The following CARD14 variants were observed in gnomAD, a reference collection of about 807,000 sequenced individuals.
CARD14 encodes caspase recruitment domain family member 14.
A neutral mutation model predicts 111.5 loss-of-function variants in CARD14; 107 were observed. That is an observed-to-expected ratio of 0.96 (90% confidence interval 0.82 to 1.13). The LOEUF (loss-of-function observed/expected upper bound fraction) is 1.13. Among genes scored for constraint, CARD14 ranks in the 50% most tolerant of loss-of-function variants. The pLI is 0.00. For synonymous variants in CARD14, 617 were observed against 579.6 expected (o/e 1.06, Z -0.93); for missense variants, 1,322 against 1,362.3 (o/e 0.97, Z 0.47).
chr17:80,204,658 G>T, intron 20 of CARD14: 1 of 388,322 alleles, frequency 2.6e-6, no homozygotes, highest in South Asian at 5.1e-5. Context: ...GAGGAGTACA[G>T]GACAGAGGGA....
rs971020345 is a variant in CARD14, at chr17:80,188,416, G to C, written c.715G>C (p.Val239Leu). ...LKQELQRANM[V>L]SSCELELQEQ... Reference sequence around the variant, plus strand: ...GCAGGAGCTGCAGCGAGCCAACATGGTTTCCTCCTGTGAGCTGGAATTGCA... The same window carrying C: ...GCAGGAGCTGCAGCGAGCCAACATGCTTTCCTCCTGTGAGCTGGAATTGCA... Residue 239 changes from valine (V) to leucine (L), a missense_variant, in exon 8 of 24, where the codon GTT becomes CTT. Val to Leu is a conservative substitution (Grantham distance 32). Transcript: ENST00000648509. The surrounding 1 kb of genome is among the most constrained non-coding windows in gnomAD (Gnocchi z 4.5). 6.2e-7 allele frequency: 1 copy of C among 1,610,404 alleles called. No homozygotes were observed. Among genetic ancestry groups the C allele is most frequent in the African/African-American group, 1.3e-5 (1 of 74,908 alleles).
Position 80,183,961 on chromosome 17 carries a change from G to A in CARD14, c.398G>A (p.Gly133Asp). Reference protein sequence around the residue: ...KLTECLAGAIGSLQEELNQEK... With the variant: ...KLTECLAGAIDSLQEELNQEK... ...ACCGAGTGCCTGGCTGGGGCCATCG[G>A]CAGCCTGCAGGAGGAGCTGAACCAG... Residue 133 changes from glycine to aspartate, a missense_variant, in exon 7 of 24, where the codon GGC becomes GAC. By Grantham distance (94) the Gly-to-Asp change is moderately conservative. Transcript: ENST00000648509. The A allele has an allele frequency of 1.3e-6, 2 of 1,548,092 alleles. No homozygotes were observed. Among genetic ancestry groups the A allele is most frequent in the Admixed American group, 1.9e-5 (1 of 52,020 alleles).
In CARD14 at chr17:80,198,017, G is replaced by T; in HGVS notation, c.1595-82G>T. The T allele has an allele frequency of 1.4e-6, 2 of 1,383,152 alleles. No individual in the cohort carries two copies. Among genetic ancestry groups the T allele is most frequent in the Non-Finnish European group, 2.1e-6 (2 of 974,392 alleles). 85.7% of individuals were successfully genotyped at this position (1,383,152 alleles called of 1,614,324 possible). A position where few individuals can be genotyped will look rare whatever the true frequency, so the allele number is the denominator to read the frequency against. On this transcript the variant is annotated intron_variant, in intron 14 of 23. Coordinates refer to ENST00000648509, the MANE Select transcript of CARD14 (RefSeq NM_001366385.1). This position sits in a 1 kb window ranked among gnomAD's most constrained non-coding sequence, Gnocchi z 7.5. Reference sequence around the variant, plus strand: ...TGGGGTGACCAAGATCTGTGAAGAAGGGGCTGAGGTTACAGGAGGTTACAG... The same window carrying T: ...TGGGGTGACCAAGATCTGTGAAGAATGGGCTGAGGTTACAGGAGGTTACAG...
chr17:80,185,678 G>T (rs916098966), intron 7 of CARD14, among the ~76,000 whole-genome samples: 2 of 152,164 alleles, frequency 1.3e-5, no homozygotes, highest in African/African-American at 4.8e-5. Flanking sequence ...CCCCAGCCCA[G>T]GGTCGGGCCC....
chr17:80,187,108 C>G (rs114342049), intron 7 of CARD14, among the ~76,000 whole-genome samples: 1 of 152,256 alleles, frequency 6.6e-6, no homozygotes, highest in Non-Finnish European at 1.5e-5. Flanking sequence ...CCATGCCCTG[C>G]GGCTTTTTCT....
Position 80,208,203 on chromosome 17 carries a change from G to A in CARD14, c.2873G>A (p.Gly958Glu), listed in dbSNP as rs1319044674. The stretch of plus-strand genomic sequence containing the variant: ...CTGGAGGCTGCGAGGCAGGAGGAGG[G>A]AGACCTGGACCGGGCGCCCTGTCTA... ...QLLEAARQEEGDLDRAPCLYS... is the reference protein window; with the variant it reads ...QLLEAARQEEEDLDRAPCLYS... Residue 958 changes from glycine (G) to glutamate (E), a missense_variant, in exon 24 of 24, where the codon GGA (glycine) becomes GAA (glutamate). Physicochemically the swap from Gly to Glu is moderately conservative, Grantham distance 98. Transcript: ENST00000648509. 5.1e-6 allele frequency: 8 copies of A among 1,555,332 alleles called. No individual in the cohort carries two copies. The highest frequency in any genetic ancestry group is 6.1e-6 in the Non-Finnish European group (7 of 1,149,352).
chr17:80,205,365 C>T, intron 21 of CARD14, 160 bp downstream of exon 21: 1 of 1,160,838 alleles, frequency 8.6e-7, no homozygotes, highest in South Asian at 1.5e-5. Flanking sequence ...GATGGAGGTG[C>T]AGGGCACAGA....
intron 12 of CARD14, among the ~76,000 whole-genome samples, chr17:80,193,599 G>C (rs1267421440): frequency 6.6e-6 from 1 of 152,174 alleles, no homozygotes; most frequent in Non-Finnish European, 1.5e-5. Flanking sequence ...GAGGGTGAGA[G>C]GCGGGCGAGG....
intron 1 of CARD14, chr17:80,170,342 T>C (rs2039866311): frequency 6.6e-6 from 1 of 152,224 alleles, no homozygotes; most frequent in Admixed American, 6.5e-5. Flanking sequence ...ATCTCTGTTT[T>C]ATACTCTCAT....
chr17:80,200,888 A>G (rs1022775525), intron 16 of CARD14: 1 of 152,294 alleles, frequency 6.6e-6, no homozygotes, highest in Non-Finnish European at 1.5e-5. Flanking sequence ...ACAGTTCACG[A>G]TAGGGCTCAT....
Position 80,208,191 on chromosome 17 carries a change from G to A in CARD14, c.2861G>A (p.Arg954Lys), listed in dbSNP as rs1372394106. The change falls in exon 24 of 24, where the codon AGG (arginine) becomes AAG (lysine). Residue 954 changes from arginine (R) to lysine (K), a missense_variant. Physicochemically the swap from Arg to Lys is conservative, Grantham distance 26. Transcript: ENST00000648509. ...TSEEQLLEAARQEEGDLDRAP... is the reference protein window; with the variant it reads ...TSEEQLLEAAKQEEGDLDRAP... ...GAGGAGCAGCTCCTGGAGGCTGCGA[G>A]GCAGGAGGAGGGAGACCTGGACCGG... The A allele has an allele frequency of 1.9e-6, 3 of 1,552,392 alleles. No homozygotes were observed. Among genetic ancestry groups the A allele is most frequent in the Non-Finnish European group, 2.6e-6 (3 of 1,147,922 alleles).
intron 16 of CARD14, among the ~76,000 whole-genome samples, chr17:80,199,142 C>CT (rs939382332): frequency 2.0e-5 from 3 of 151,836 alleles, no homozygotes; most frequent in Admixed American, 6.6e-5. Flanking sequence ...TTTTCTAAAA[C>CT]TTTTTTTTGT....
At chr17:80,194,556 C>G (rs2040642587) in intron 12 of CARD14, among the ~76,000 whole-genome samples, 1 of 152,160 alleles carries the variant, frequency 6.6e-6, no homozygotes, top group Non-Finnish European at 1.5e-5. Flanking sequence ...CTGGTGATAC[C>G]CACATACCTG....
intron 7 of CARD14, among the ~76,000 whole-genome samples, chr17:80,185,661 G>T (rs1183951681): frequency 6.6e-6 from 1 of 152,148 alleles, no homozygotes; most frequent in Admixed American, 6.5e-5. Context: ...CTCCTTCACA[G>T]CCTTTCCCCC....
chr17:80,173,706 C>A (rs566594025), intron 2 of CARD14, among the ~76,000 whole-genome samples: 9 of 151,744 alleles, frequency 5.9e-5, no homozygotes, highest in African/African-American at 2.2e-4. Flanking sequence ...TCAAGTGATT[C>A]TCCTGCCTCA....
At chr17:80,177,527 C>T (rs1161615825) in intron 2 of CARD14, among the ~76,000 whole-genome samples, 3 of 152,200 alleles carry the variant, frequency 2.0e-5, no homozygotes, top group African/African-American at 4.8e-5. Flanking sequence ...GAAACCTTGT[C>T]TCTACTAAAA....
rs531556673 is a variant in CARD14 at position 80,175,952 on chromosome 17, G to GTTTTTTTTT, written c.-366-2524_-366-2516dup. Among the ~76,000 whole-genome samples, 8 of 53,550 alleles carry GTTTTTTTTT rather than the reference G, an allele frequency of 1.5e-4. 1 individual carries two copies. The highest frequency in any genetic ancestry group is 6.6e-4 in the African/African-American group (8 of 12,056). 35.1% of individuals were successfully genotyped at this position (53,550 alleles called of 152,430 possible). ...TGGGATTGCCAGCTGCTCTCGGATC[G>GTTTTTTTTT]TTTTTTTTTTTTTTTTTTTTTTTTT... is the stretch of plus-strand genomic sequence containing the variant. On this transcript the variant is annotated intron_variant, in intron 2 of 23. Transcript: ENST00000648509.
At chr17:80,204,428 A>T (rs879087778) in intron 20 of CARD14, 87 bp downstream of exon 20, 1 of 1,302,218 alleles carries the variant, frequency 7.7e-7, no homozygotes, top group Non-Finnish European at 1.0e-6. Context: ...CAGCTGGGGC[A>T]GGGGGATGCC....
At position 80,207,038 on chromosome 17, in the gene CARD14, C is replaced by T. The variant is rs752794881; in HGVS notation, c.2760C>T (p.Pro920=). Residue 920 remains proline, a synonymous_variant, in exon 23 of 24, where the codon CCC becomes CCT. Coordinates refer to ENST00000648509, the MANE Select transcript of CARD14 (RefSeq NM_001366385.1). ...VCTLHRMDIF[P]IVIHVSVNEK... ...CCCTGCACAGGATGGACATCTTCCC[C>T]ATCGTCATCCACGTCTCTGTCAACG... 6.2e-6 allele frequency: 10 copies of T among 1,613,958 alleles called. No homozygotes were observed. In the East Asian group the frequency reaches 2.0e-4, roughly 32 times the overall value.
Sources: gnomAD v4.1 joint callset for allele counts (sites outside exome capture counted in the v4.1 genomes callset) on GRCh38, gnomAD v4.1.1 for gene constraint, Gnocchi (gnomAD v3.1) non-coding constraint, MANE v1.5 for transcripts, NCBI Gene and HGNC (gene_info 2026-07-23, HGNC 2026-07-21) for gene names.